The following EIF4H variants were observed in gnomAD, a reference collection of about 807,000 sequenced individuals.
EIF4H encodes Williams-Beuren syndrome chromosome region 1.
In EIF4H, 8 loss-of-function variants were observed where a neutral mutation model predicts 30.6. That is an observed-to-expected ratio of 0.26 (90% confidence interval 0.15 to 0.47). The LOEUF is 0.47. Ranked by LOEUF, EIF4H falls within the 20% of genes least tolerant of loss-of-function variation. The probability of loss-of-function intolerance (pLI) is 0.99; values close to 1 mark genes in which losing one functional copy is unlikely to be tolerated. For synonymous variants in EIF4H, 106 were observed against 122.7 expected, an observed-to-expected ratio of 0.86 and a Z score of 0.90; for missense variants, 188 against 339.5, an observed-to-expected ratio of 0.55 and a Z score of 3.51.
chr7:74,196,806 C>T lies in EIF4H; in HGVS notation c.*1498C>T, dbSNP rs1353930201. Reference sequence around the variant, plus strand: ...TCCTTCCTTCCACCTGTCAGCTTCTCTGCTTCTGAGATAAGAACCATTTGT... The same window carrying T: ...TCCTTCCTTCCACCTGTCAGCTTCTTTGCTTCTGAGATAAGAACCATTTGT... On this transcript the variant is annotated 3_prime_UTR_variant, in exon 7 of 7. Transcript: ENST00000265753. 6.6e-6 allele frequency: 1 copy of T among 151,852 alleles called. No individual in the cohort carries two copies. Among genetic ancestry groups the T allele is most frequent in the Non-Finnish European group, 1.5e-5 (1 of 67,954 alleles). 9.4% of individuals were successfully genotyped at this position (151,852 alleles called of 1,614,324 possible).
intron 5 of EIF4H, 141 bp from the exon 6 acceptor site, chr7:74,194,600 C>T: frequency 2.4e-6 from 3 of 1,227,324 alleles, no homozygotes; most frequent in Non-Finnish European, 3.3e-6. Flanking sequence ...ACTTTTAACA[C>T]ACTTTATTTT....
intron 1 of EIF4H, among the ~76,000 whole-genome samples, chr7:74,175,543 A>G (rs1800819281): frequency 6.6e-6 from 1 of 152,148 alleles, no homozygotes; most frequent in African/African-American, 2.4e-5. Context: ...AGTGTAGCTA[A>G]TGTTCATGAT....
intron 5 of EIF4H, among the ~76,000 whole-genome samples, chr7:74,191,989 C>T (rs1159235593): frequency 6.6e-6 from 1 of 152,082 alleles, no homozygotes; most frequent in East Asian, 1.9e-4. Flanking sequence ...TCATGTTAGC[C>T]AGGATGGTCT....
At chr7:74,176,340 C>T (rs951449320) in intron 1 of EIF4H, among the ~76,000 whole-genome samples, 3 of 151,352 alleles carry the variant, frequency 2.0e-5, no homozygotes, top group Non-Finnish European at 2.9e-5. Flanking sequence ...CGGGTTTAAG[C>T]GATTCTCCTG....
chr7:74,187,464 C>A, intron 1 of EIF4H, 147 bp from the exon 2 acceptor site: 1 of 788,880 alleles, frequency 1.3e-6, no homozygotes, highest in Non-Finnish European at 1.8e-6. Context: ...TTTTGTTTCT[C>A]CAGCCATTCT....
chr7:74,181,264 C>T (rs1800954312), intron 1 of EIF4H, among the ~76,000 whole-genome samples: 2 of 152,146 alleles, frequency 1.3e-5, no homozygotes, highest in Non-Finnish European at 1.5e-5. Flanking sequence ...TAATTTAAGG[C>T]TAATCCTAGT....
intron 1 of EIF4H, among the ~76,000 whole-genome samples, chr7:74,186,788 A>AATTTTTTTTT (rs1801089805): frequency 8.6e-5 from 6 of 70,122 alleles, no homozygotes; most frequent in East Asian, 4.5e-4. Context: ...ACAAGGAGAA[A>AATTTTTTTTT]TTTTTTTTTT....
intron 5 of EIF4H, 130 bp downstream of exon 5, chr7:74,190,436 G>A (rs1439575148): frequency 1.5e-5 from 13 of 892,690 alleles, no homozygotes; most frequent in African/African-American, 3.3e-5. Flanking sequence ...TCTCCTGCAG[G>A]GTGCCCAGGC....
At chr7:74,177,971 CCTT>C (rs1404598776) in intron 1 of EIF4H, among the ~76,000 whole-genome samples, 3 of 152,250 alleles carry the variant, frequency 2.0e-5, no homozygotes, top group Middle Eastern at 3.4e-3. Context: ...AATAGGCTCT[CCTT>C]CTGTCACCCA....
At chr7:74,194,996 C>A in intron 6 of EIF4H, 118 bp downstream of exon 6, 1 of 1,500,804 alleles carries the variant, frequency 6.7e-7, no homozygotes, top group African/African-American at 1.4e-5. Flanking sequence ...TAGATCCCCA[C>A]GTTCTCTGGA....
chr7:74,186,788 ATTTTTTTTTTTTTTTTTTTTTTTTTTTTT>A (rs564794579), intron 1 of EIF4H, among the ~76,000 whole-genome samples: 1,764 of 70,104 alleles, frequency 0.025, 144 homozygotes, highest in African/African-American at 0.073. Context: ...ACAAGGAGAA[ATTTTTTTTTTTTTTTTTTTTTTTTTTTTT>A]TTTTTTTTTT....
At chr7:74,181,299 T>TTA (rs1346691970) in intron 1 of EIF4H, among the ~76,000 whole-genome samples, 3 of 152,214 alleles carry the variant, frequency 2.0e-5, no homozygotes, top group African/African-American at 7.2e-5. Flanking sequence ...AAATAGTTCT[T>TTA]ATTTTTTTAA....
chr7:74,186,846 G>A lies in EIF4H; in HGVS notation c.60-765G>A, dbSNP rs552865485. Among the ~76,000 whole-genome samples the A allele has an allele frequency of 3.1e-4, 33 of 106,058 alleles. 1 individual carries two copies. The highest frequency in any genetic ancestry group is 1.0e-3 in the African/African-American group (29 of 28,550). The allele number at this position is 106,058 out of a possible 152,430, so 69.6% of individuals were successfully genotyped here. On this transcript the variant is annotated intron_variant, in intron 1 of 6. Transcript: ENST00000265753. ...TTTTTTTTTTTTTTTTTTTTGAGAC[G>A]GAGTCTCTGTCGCGTGAGCTGAAGT...
intron 5 of EIF4H, among the ~76,000 whole-genome samples, chr7:74,192,155 A>C (rs1443233839): frequency 6.6e-6 from 1 of 152,130 alleles, no homozygotes; most frequent in Non-Finnish European, 1.5e-5. Flanking sequence ...TTCACGCTAG[A>C]CATTGGTGGT....
intron 1 of EIF4H, among the ~76,000 whole-genome samples, chr7:74,181,710 C>T (rs1800966547): frequency 6.6e-6 from 1 of 151,852 alleles, no homozygotes; most frequent in East Asian, 1.9e-4. Flanking sequence ...TCCCAAAGTG[C>T]TGGGATTACA....
At position 74,181,330 on chromosome 7, in the gene EIF4H, G is replaced by T. The variant is rs186874542; in HGVS notation, c.60-6281G>T. ...TTTAAATTTTAATCCTCATCTTTGT[G>T]TTGGTAAATATTACATACTTTAGAG... On this transcript the variant is annotated intron_variant, in intron 1 of 6. Coordinates refer to ENST00000265753, the MANE Select transcript of EIF4H (RefSeq NM_022170.2). Among the ~76,000 whole-genome samples the T allele has an allele frequency of 1.4e-4, 22 of 152,074 alleles. No homozygotes were observed. The East Asian group carries it at 1.9e-3, about 13-fold the overall frequency.
rs1398604509 is a variant in EIF4H, at chr7:74,195,784, A to C, written c.*476A>C. On this transcript the variant is annotated 3_prime_UTR_variant, in exon 7 of 7. Transcript: ENST00000265753. ...TGTATTGCTGGGGCTTCCAACAAAA[A>C]CCAGAGTCACTGACAGAGGGAACAG... 1.9e-5 allele frequency: 3 copies of C among 155,378 alleles called. No homozygotes were observed. The highest frequency in any genetic ancestry group is 4.4e-5 in the Non-Finnish European group (3 of 68,700). 9.6% of individuals were successfully genotyped at this position (155,378 alleles called of 1,614,324 possible).
intron 1 of EIF4H, among the ~76,000 whole-genome samples, chr7:74,185,769 A>G (rs1489165802): frequency 2.0e-5 from 3 of 152,140 alleles, no homozygotes; most frequent in Non-Finnish European, 2.9e-5. Flanking sequence ...TTCCCCTGCA[A>G]AGAGGGTGAC....
At chr7:74,181,152 A>G (rs1337264265) in intron 1 of EIF4H, among the ~76,000 whole-genome samples, 1 of 152,106 alleles carries the variant, frequency 6.6e-6, no homozygotes, top group Non-Finnish European at 1.5e-5. Flanking sequence ...CTCTATACCC[A>G]CTAAACAACT....
Sources: allele counts gnomAD v4.1 joint callset (sites outside exome capture counted in the v4.1 genomes callset), GRCh38; gene constraint gnomAD v4.1.1; transcripts MANE v1.5; gene names NCBI Gene and HGNC (gene_info 2026-07-23, HGNC 2026-07-21).